Variants in EBF3 observed in about 807,000 individuals in gnomAD.
EBF3 encodes transcription factor COE3.
EBF3 carries 18 observed loss-of-function variants against 77.1 expected under a neutral mutation model. The observed-to-expected ratio is 0.23, with a 90% CI of 0.16 to 0.35. The LOEUF is 0.35. Among genes scored for constraint, EBF3 ranks in the 10% least tolerant of loss-of-function variants. The pLI, the probability that EBF3 is intolerant of heterozygous loss-of-function variation, is 1.00. For synonymous variants in EBF3, 350 were observed against 343.5 expected, an observed-to-expected ratio of 1.02 and a Z score of -0.21; for missense variants, 558 against 860.0, an observed-to-expected ratio of 0.65 and a Z score of 4.39.
At chr10:129,933,720 G>C (rs187034501) in intron 6 of EBF3, among the ~76,000 whole-genome samples, 6 of 152,294 alleles carry the variant, frequency 3.9e-5, no homozygotes, top group Admixed American at 1.3e-4. Context: ...CAGACCACAG[G>C]GGGGCTCCTC....
At chr10:129,894,961 GTCCTGGGCACCTTCTGGGGCAA>G (rs1854266840) in intron 6 of EBF3, among the ~76,000 whole-genome samples, 1 of 152,186 alleles carries the variant, frequency 6.6e-6, no homozygotes, top group African/African-American at 2.4e-5. Context: ...TGAGCACAAA[GTCCTGGGCACCTTCTGGGGCAA>G]GGCAGTGCTC....
chr10:129,937,244 G>A (rs562219452), intron 6 of EBF3, among the ~76,000 whole-genome samples: 9 of 152,226 alleles, frequency 5.9e-5, no homozygotes, highest in East Asian at 5.8e-4. Flanking sequence ...CTGGGGTTCC[G>A]GGGCGCACAG....
At chr10:129,866,678 G>A (rs754054641) in intron 10 of EBF3, among the ~76,000 whole-genome samples, 4 of 152,294 alleles carry the variant, frequency 2.6e-5, no homozygotes, top group East Asian at 1.9e-4. Flanking sequence ...GCATTTACCC[G>A]GGGTGTGGCC....
In EBF3 at chr10:129,863,151, C is replaced by T. The variant is rs1454463506; in HGVS notation, c.1039+3990G>A. Among the ~76,000 whole-genome samples the T allele has an allele frequency of 1.3e-5, 2 of 152,188 alleles. No homozygotes were observed. The highest frequency in any genetic ancestry group is 4.8e-5 in the African/African-American group (2 of 41,440). On this transcript the variant is annotated intron_variant, in intron 10 of 16. Coordinates refer to ENST00000440978, the MANE Select transcript of EBF3 (RefSeq NM_001375380.1). This position sits in a 1 kb window ranked among gnomAD's most constrained non-coding sequence, Gnocchi z 4.0. The stretch of plus-strand genomic sequence containing the variant: ...ATACAGAGTGATTGTTAATTCTGCT[C>T]CTAAGTGCTAGCCGCTTGAAAATTG...
In EBF3 at chr10:129,943,220, T is replaced by C. The variant is rs1234921597; in HGVS notation, c.554+14038A>G. On this transcript the variant is annotated intron_variant, in intron 6 of 16. Transcript: ENST00000440978. This position sits in a 1 kb window ranked among gnomAD's most constrained non-coding sequence, Gnocchi z 8.8. Reference sequence around the variant, plus strand: ...CCAGGCCTGACCCGGCCTTCCCAGTTGGAGGGGATTTCAGCGGCTCTCCAC... The same window carrying C: ...CCAGGCCTGACCCGGCCTTCCCAGTCGGAGGGGATTTCAGCGGCTCTCCAC... Among the ~76,000 whole-genome samples, 2 of 152,204 alleles carry C rather than the reference T, an allele frequency of 1.3e-5. No homozygotes were observed. Among genetic ancestry groups the C allele is most frequent in the Admixed American group, 1.3e-4 (2 of 15,278 alleles).
intron 6 of EBF3, among the ~76,000 whole-genome samples, chr10:129,887,054 C>T (rs57452824): frequency 2.2e-3 from 23 of 10,580 alleles, no homozygotes; most frequent in African/African-American, 5.4e-3. Context: ...GGGTTGTGGG[C>T]GGGGGGGGGG....
Position 129,963,101 on chromosome 10 carries a change from C to T in EBF3, c.292-96G>A. On this transcript the variant is annotated intron_variant, in intron 2 of 16. Coordinates refer to ENST00000440978, the MANE Select transcript of EBF3 (RefSeq NM_001375380.1). This position sits in a 1 kb window ranked among gnomAD's most constrained non-coding sequence, Gnocchi z 7.1. ...TCCGCGACCGAGGCTCTCGGCCTCA[C>T]ACATGGCAGGATTCCTAGCTCGAAG... The T allele has an allele frequency of 6.8e-7, 1 of 1,469,180 alleles. No homozygotes were observed. Among genetic ancestry groups the T allele is most frequent in the Non-Finnish European group, 9.5e-7 (1 of 1,049,866 alleles). 91.0% of individuals were successfully genotyped at this position (1,469,180 alleles called of 1,614,324 possible).
At chr10:129,898,756 T>C (rs1001954691) in intron 6 of EBF3, among the ~76,000 whole-genome samples, 1 of 152,216 alleles carries the variant, frequency 6.6e-6, no homozygotes, top group African/African-American at 2.4e-5. Flanking sequence ...CCCGTTCCTC[T>C]TGCACATCTG....
At position 129,864,712 on chromosome 10, in the gene EBF3, C is replaced by T. The variant is rs1408692421; in HGVS notation, c.1039+2429G>A. Among the ~76,000 whole-genome samples the T allele has an allele frequency of 6.6e-6, 1 of 152,178 alleles. No homozygotes were observed. Among genetic ancestry groups the T allele is most frequent in the Admixed American group, 6.5e-5 (1 of 15,282 alleles). ...ACACATGTCACTTTCATGTCACAAA[C>T]CAGGACCCCGCAGCAGACACAGGCA... On this transcript the variant is annotated intron_variant, in intron 10 of 16. Transcript: ENST00000440978. The surrounding 1 kb of genome is among the most constrained non-coding windows in gnomAD (Gnocchi z 4.4).
At chr10:129,883,732 C>T (rs1356665670) in intron 6 of EBF3, among the ~76,000 whole-genome samples, 1 of 130,612 alleles carries the variant, frequency 7.7e-6, no homozygotes, top group Non-Finnish European at 1.6e-5. Context: ...TAAAAGTCAC[C>T]GTTCACTGGT....
chr10:129,866,416 A>G (rs980316257), intron 10 of EBF3, among the ~76,000 whole-genome samples: 1 of 152,194 alleles, frequency 6.6e-6, no homozygotes, highest in Non-Finnish European at 1.5e-5. Flanking sequence ...TGCCCAGCCA[A>G]TTTGAAGTTT....
intron 8 of EBF3, among the ~76,000 whole-genome samples, chr10:129,872,062 C>T (rs1852442284): frequency 6.6e-6 from 1 of 152,192 alleles, no homozygotes; most frequent in Non-Finnish European, 1.5e-5. Flanking sequence ...AAAATAAATA[C>T]TTGTACTTTG....
intron 6 of EBF3, among the ~76,000 whole-genome samples, chr10:129,893,927 T>C (rs1162486971): frequency 6.6e-6 from 1 of 152,172 alleles, no homozygotes; most frequent in African/African-American, 2.4e-5. Context: ...TGTGAGGGAC[T>C]CTCCACAGCC....
rs1398255549 is a variant in EBF3, at chr10:129,841,698, GT to G, written c.1372+417del. On this transcript the variant is annotated intron_variant, in intron 13 of 16. Coordinates refer to ENST00000440978, the MANE Select transcript of EBF3 (RefSeq NM_001375380.1). This position sits in a 1 kb window ranked among gnomAD's most constrained non-coding sequence, Gnocchi z 4.6. Reference sequence around the variant, plus strand: ...TGGGGTGCGGGGTGGGGAAATGGGGGTCTGTCTCCATGGATTCGTTCCAAAC... The same window carrying G: ...TGGGGTGCGGGGTGGGGAAATGGGGGCTGTCTCCATGGATTCGTTCCAAAC... 6.6e-6 allele frequency among the ~76,000 whole-genome samples: 1 copy of G among 152,134 alleles called. No homozygotes were observed. The highest frequency in any genetic ancestry group is 1.5e-5 in the Non-Finnish European group (1 of 68,042).
chr10:129,945,219 G>A (rs1015541462), intron 6 of EBF3, among the ~76,000 whole-genome samples: 23 of 148,084 alleles, frequency 1.6e-4, no homozygotes, highest in African/African-American at 3.5e-4. Context: ...AGGCAGAAGC[G>A]AGAAAGGAAG....
At chr10:129,847,239 G>C (rs1425772663) in intron 11 of EBF3, among the ~76,000 whole-genome samples, 1 of 152,106 alleles carries the variant, frequency 6.6e-6, no homozygotes, top group Non-Finnish European at 1.5e-5. Flanking sequence ...GCCAAGGCAT[G>C]TGGTCTGTCT....
chr10:129,894,021 C>T (rs1854200081), intron 6 of EBF3, among the ~76,000 whole-genome samples: 2 of 152,318 alleles, frequency 1.3e-5, no homozygotes, highest in South Asian at 4.1e-4. Context: ...ATGCAACCCA[C>T]AGGCAGAATA....
At chr10:129,929,928 T>C (rs1856895580) in intron 6 of EBF3, among the ~76,000 whole-genome samples, 1 of 152,126 alleles carries the variant, frequency 6.6e-6, no homozygotes, top group Admixed American at 6.5e-5. Flanking sequence ...GAGCTTGGGG[T>C]GTGAGTCGGA....
chr10:129,949,328 A>G (rs1858484501), intron 6 of EBF3, among the ~76,000 whole-genome samples: 1 of 152,186 alleles, frequency 6.6e-6, no homozygotes, highest in African/African-American at 2.4e-5. Context: ...AAAGAAAAGA[A>G]AAGAGAAAAA....
Sources: allele counts gnomAD v4.1 joint callset (sites outside exome capture counted in the v4.1 genomes callset), GRCh38; gene constraint gnomAD v4.1.1; non-coding constraint Gnocchi (gnomAD v3.1); transcripts MANE v1.5; gene names NCBI Gene and HGNC (gene_info 2026-07-23, HGNC 2026-07-21).